ANK3: variants seen among roughly 807,000 people sequenced by gnomAD.
ANK3 encodes ankyrin 3.
In ANK3, 57 loss-of-function variants were observed where a neutral mutation model predicts 370.9. The observed-to-expected ratio is 0.15, with a 90% CI of 0.12 to 0.19. ANK3 has a LOEUF of 0.19. Ranked by LOEUF, ANK3 falls within the 10% of genes least tolerant of loss-of-function variation. The probability of loss-of-function intolerance (pLI) is 1.00; values close to 1 mark genes in which losing one functional copy is unlikely to be tolerated. For missense variants in ANK3, 4,439 were observed against 5,302.1 expected (o/e 0.84, Z 5.06); for synonymous variants, 1,929 against 1,946.3 (o/e 0.99, Z 0.23).
intron 37 of ANK3, 28 bp downstream of exon 37, chr10:60,068,609 C>A: frequency 6.4e-7 from 1 of 1,569,112 alleles, no homozygotes; most frequent in South Asian, 1.2e-5. Flanking sequence ...GCAGAGTGCT[C>A]GAGAGACCTG....
intron 1 of ANK3, among the ~76,000 whole-genome samples, chr10:60,301,186 CTA>C (rs1383033921): frequency 2.1e-5 from 3 of 144,280 alleles, no homozygotes; most frequent in Non-Finnish European, 4.5e-5. Flanking sequence ...TATATATAAT[CTA>C]TGTGTGTGTA....
intron 1 of ANK3, among the ~76,000 whole-genome samples, chr10:60,383,526 C>T (rs1418436936): frequency 5.3e-5 from 8 of 152,164 alleles, no homozygotes; most frequent in Non-Finnish European, 8.8e-5. Context: ...GCCTCTCATA[C>T]ACTCATTCAC....
intron 1 of ANK3, among the ~76,000 whole-genome samples, chr10:60,321,414 A>G (rs55913703): frequency 0.68 from 91,424 of 133,610 alleles, 29,582 homozygotes; most frequent in South Asian, 0.78. Context: ...AAAGAAAAGA[A>G]AAGAAAAGAA....
intron 1 of ANK3, among the ~76,000 whole-genome samples, chr10:60,630,015 T>A (rs2078461129): frequency 6.6e-6 from 1 of 152,208 alleles, no homozygotes; most frequent in South Asian, 2.1e-4. Context: ...AGAGTCCAGC[T>A]ATGTAACCTC....
intron 43 of ANK3, among the ~76,000 whole-genome samples, chr10:60,039,333 T>A (rs1013859596): frequency 3.3e-5 from 5 of 152,168 alleles, no homozygotes; most frequent in Non-Finnish European, 7.3e-5. Flanking sequence ...ATGCAAGTCT[T>A]TGCCATGGCT....
At chr10:60,640,159 C>A (rs528108176) in intron 1 of ANK3, among the ~76,000 whole-genome samples, 1 of 151,788 alleles carries the variant, frequency 6.6e-6, no homozygotes, top group African/African-American at 2.4e-5. Context: ...GCTTACCAAC[C>A]AAAAAGAGTC....
intron 5 of ANK3, 97 bp downstream of exon 5, chr10:60,270,034 T>G: frequency 3.0e-6 from 2 of 663,362 alleles, no homozygotes; most frequent in Non-Finnish European, 2.4e-6. Context: ...ATATAAAACT[T>G]CAATTGAAAT....
At chr10:60,408,954 AAAAC>A (rs1297148526) in intron 2 of ANK3, among the ~76,000 whole-genome samples, 2 of 152,334 alleles carry the variant, frequency 1.3e-5, no homozygotes, top group East Asian at 1.9e-4. Flanking sequence ...AGGAGTTCAG[AAAAC>A]AAACAGTCAT....
chr10:60,234,540 A>G lies in ANK3; in HGVS notation c.897+148T>C, dbSNP rs1177108277. ...TAGATGGATGGCCATACCATTTTAA[A>G]AAGAATAAAAGTAGCAGTCATTTTC... On this transcript the variant is annotated intron_variant, in intron 8 of 43. Transcript: ENST00000280772. The G allele has an allele frequency of 5.0e-5, 27 of 539,454 alleles. No homozygotes were observed. In the East Asian group the frequency reaches 7.7e-4, roughly 15 times the overall value. 33.4% of individuals were successfully genotyped at this position (539,454 alleles called of 1,614,324 possible).
At chr10:60,700,731 T>C (rs969352493) in intron 1 of ANK3, among the ~76,000 whole-genome samples, 15 of 152,260 alleles carry the variant, frequency 9.9e-5, no homozygotes, top group East Asian at 5.8e-4. Context: ...ATTTTAGCAA[T>C]TGAATAGAAA....
At chr10:60,039,769 A>G (rs1412957004) in intron 43 of ANK3, among the ~76,000 whole-genome samples, 1 of 152,092 alleles carries the variant, frequency 6.6e-6, no homozygotes. Flanking sequence ...GGGATTTCCT[A>G]AGGTTATATA....
At chr10:60,039,475 AC>A (rs755701291) in intron 43 of ANK3, among the ~76,000 whole-genome samples, 2 of 152,176 alleles carry the variant, frequency 1.3e-5, no homozygotes, top group African/African-American at 4.8e-5. Context: ...AGAATAAAAA[AC>A]TATGAGTCCT....
chr10:60,033,910 T>A (rs751073951), intron 43 of ANK3, among the ~76,000 whole-genome samples: 4 of 152,106 alleles, frequency 2.6e-5, no homozygotes, highest in Non-Finnish European at 5.9e-5. Flanking sequence ...TACCAGTTTA[T>A]ATAGAAGTTT....
intron 28 of ANK3, among the ~76,000 whole-genome samples, chr10:60,100,234 GTTTTTTTTTTTTT>G (rs3045340): frequency 5.2e-5 from 3 of 57,898 alleles, no homozygotes; most frequent in African/African-American, 2.6e-4. Context: ...TTTTGCTATG[GTTTTTTTTTTTTT>G]TTTTTTTTTG....
intron 1 of ANK3, among the ~76,000 whole-genome samples, chr10:60,711,120 A>G (rs774310684): frequency 1.3e-5 from 2 of 152,226 alleles, no homozygotes; most frequent in Admixed American, 6.5e-5. Flanking sequence ...TAACCATTAC[A>G]TGTTCTAATG....
At chr10:60,507,261 T>C (rs942872772) in intron 2 of ANK3, among the ~76,000 whole-genome samples, 8 of 152,078 alleles carry the variant, frequency 5.3e-5, no homozygotes, top group African/African-American at 1.9e-4. Flanking sequence ...TTAACAATAA[T>C]CACTGCCAAA....
At chr10:60,357,031 C>T (rs1425142261) in intron 1 of ANK3, among the ~76,000 whole-genome samples, 1 of 152,166 alleles carries the variant, frequency 6.6e-6, no homozygotes, top group Admixed American at 6.5e-5. Context: ...ACTATGTTTT[C>T]TGATCACCCT....
At chr10:60,143,369 T>C (rs1360082059) in intron 23 of ANK3, among the ~76,000 whole-genome samples, 2 of 152,232 alleles carry the variant, frequency 1.3e-5, no homozygotes, top group Admixed American at 1.3e-4. Flanking sequence ...GTGTGATTTG[T>C]TAACTTTCTC....
intron 1 of ANK3, among the ~76,000 whole-genome samples, chr10:60,382,118 G>A (rs1324194431): frequency 1.3e-5 from 2 of 151,992 alleles, no homozygotes; most frequent in African/African-American, 4.8e-5. Flanking sequence ...CTGATTTCAG[G>A]GGTACCTTCA....
Sources: gnomAD v4.1 joint callset for allele counts (sites outside exome capture counted in the v4.1 genomes callset) on GRCh38, gnomAD v4.1.1 for gene constraint, MANE v1.5 for transcripts, NCBI Gene and HGNC (gene_info 2026-07-23, HGNC 2026-07-21) for gene names.